Variants in UBXN4 observed in about 807,000 individuals in gnomAD.
UBXN4 encodes UBX domain protein 4, also known as UBX domain-containing protein 4.
UBXN4 carries 35 observed loss-of-function variants against 66.2 expected under a neutral mutation model. The ratio of observed to expected loss-of-function variants is 0.53; its 90% CI spans 0.40 to 0.70. The LOEUF is 0.70. Ranked by LOEUF, UBXN4 falls within the 30% of genes least tolerant of loss-of-function variation. The pLI, the probability that UBXN4 is intolerant of heterozygous loss-of-function variation, is 0.00. For missense variants in UBXN4, 533 were observed against 599.8 expected (o/e 0.89, Z 1.16); for synonymous variants, 203 against 204.5 (o/e 0.99, Z 0.06).
At chr2:135,774,524 T>C (rs2077400976) in intron 9 of UBXN4, among the ~76,000 whole-genome samples, 1 of 152,130 alleles carries the variant, frequency 6.6e-6, no homozygotes, top group Admixed American at 6.6e-5. Flanking sequence ...AATTTAAAAC[T>C]TTCGTGCTTT....
rs1187762108 is a variant in UBXN4, at chr2:135,755,665, C to A, written c.482C>A (p.Ser161Tyr). Reference protein sequence around the residue: ...NAELCEIPPTSDTKSDTATGG... With the variant: ...NAELCEIPPTYDTKSDTATGG... ...GAGCTTTGTGAGATACCACCCACTT[C>A]TGATACAAAGTCAGATACTGCAACA... The change falls in exon 5 of 13, where the codon TCT becomes TAT. Residue 161 changes from serine (S) to tyrosine (Y), a missense_variant. This residue lies in a region of UBXN4 where 529 missense variants were observed against 580.1 expected (regional missense o/e 0.91). Coordinates refer to ENST00000272638, the MANE Select transcript of UBXN4 (RefSeq NM_014607.4). The A allele has an allele frequency of 6.4e-7, 1 of 1,572,578 alleles. No homozygotes were observed. The highest frequency in any genetic ancestry group is 8.6e-7 in the Non-Finnish European group (1 of 1,158,472).
intron 8 of UBXN4, among the ~76,000 whole-genome samples, chr2:135,771,766 T>C (rs1393372887): frequency 6.6e-6 from 1 of 152,104 alleles, no homozygotes; most frequent in Non-Finnish European, 1.5e-5. Context: ...TTTCATCACA[T>C]TGGTCAGGCT....
At chr2:135,768,754 C>G (rs7566194) in intron 6 of UBXN4, among the ~76,000 whole-genome samples, 147,754 of 152,032 alleles carry the variant, frequency 0.97, 71,916 homozygotes, top group Non-Finnish European at 1. Context: ...GTAGAGACAG[C>G]GTTTCGCCGT....
intron 12 of UBXN4, among the ~76,000 whole-genome samples, chr2:135,781,693 A>G (rs556826666): frequency 6.6e-6 from 1 of 152,386 alleles, no homozygotes; most frequent in African/African-American, 2.4e-5. Context: ...AACAAGGCTG[A>G]ATCTTAAAAC....
intron 5 of UBXN4, among the ~76,000 whole-genome samples, chr2:135,759,982 G>A (rs951728139): frequency 6.6e-6 from 1 of 151,868 alleles, no homozygotes; most frequent in Non-Finnish European, 1.5e-5. Context: ...TGGCCAGACT[G>A]GTCTCAAACT....
chr2:135,742,854 C>G (rs1364795657), intron 1 of UBXN4: 1 of 151,966 alleles, frequency 6.6e-6, no homozygotes, highest in Non-Finnish European at 1.5e-5. Flanking sequence ...ACGTTCAGTC[C>G]TTGGTTTCTT....
At position 135,751,294 on chromosome 2, in the gene UBXN4, C is replaced by G. The variant is rs540296150; in HGVS notation, c.186-2245C>G. Reference sequence around the variant, plus strand: ...CTCCGCCTCCCGGGCTCACGGCATTCTCCTGCCTCAGCCTCCCAAGTAGCT... The same window carrying G: ...CTCCGCCTCCCGGGCTCACGGCATTGTCCTGCCTCAGCCTCCCAAGTAGCT... On this transcript the variant is annotated intron_variant, in intron 2 of 12. Coordinates refer to ENST00000272638, the MANE Select transcript of UBXN4 (RefSeq NM_014607.4). Among the ~76,000 whole-genome samples the G allele has an allele frequency of 2.6e-5, 4 of 152,026 alleles. No individual in the cohort carries two copies. The East Asian group carries it at 7.7e-4, about 29-fold the overall frequency.
chr2:135,753,662 G>A, intron 3 of UBXN4, 95 bp downstream of exon 3: 1 of 1,081,166 alleles, frequency 9.2e-7, no homozygotes. Flanking sequence ...TTTTTATTTA[G>A]GAAATCATAC....
chr2:135,757,763 G>GTTTTTTTTTAGCTTAAAAAAAA (rs2105497414), intron 5 of UBXN4, among the ~76,000 whole-genome samples: 1 of 150,302 alleles, frequency 6.7e-6, no homozygotes, highest in African/African-American at 2.4e-5. Flanking sequence ...TCTAATCTCA[G>GTTTTTTTTTAGCTTAAAAAAAA]TTTTTTTTTA....
Position 135,770,678 on chromosome 2 carries a change from CAG to C in UBXN4, c.771_772del (p.Lys258SerfsTer4). On this transcript the variant is annotated frameshift_variant, in exon 8 of 13. Coordinates refer to ENST00000272638, the MANE Select transcript of UBXN4 (RefSeq NM_014607.4). LOFTEE classifies it high-confidence loss of function. ...CAAAAAGAATGCTGGAGGAAAGAAA[CAG>C]AGAGAAAGCAGAAGATAGGGCAGCT... is the stretch of plus-strand genomic sequence containing the variant. ...LTKRMLEERN[R>X]EKAEDRAARE... 1 of 1,577,950 alleles carries C rather than the reference CAG, an allele frequency of 6.3e-7. No homozygotes were observed. Among genetic ancestry groups the C allele is most frequent in the Non-Finnish European group, 8.5e-7 (1 of 1,169,672 alleles).
In UBXN4 at chr2:135,776,696, C is replaced by T. The variant is rs148192893; in HGVS notation, c.1053+345C>T. On this transcript the variant is annotated intron_variant, in intron 10 of 12. Transcript: ENST00000272638. ...GCAGCCTCGACCTCCTGGGCTCAAGCGACCCTCCCACCTCAGCCTCCTAAG... is the reference window on the plus strand; with the variant it reads ...GCAGCCTCGACCTCCTGGGCTCAAGTGACCCTCCCACCTCAGCCTCCTAAG... Among the ~76,000 whole-genome samples the T allele has an allele frequency of 1.6e-3, 242 of 152,318 alleles. 2 individuals are homozygous for T. The highest frequency in any genetic ancestry group is 5.5e-3 in the African/African-American group (228 of 41,574).
At chr2:135,742,990 T>C (rs1220184683) in intron 1 of UBXN4, among the ~76,000 whole-genome samples, 3 of 152,218 alleles carry the variant, frequency 2.0e-5, no homozygotes, top group Admixed American at 1.3e-4. Flanking sequence ...ATCTTGTAGA[T>C]TTACAGTGAA....
intron 6 of UBXN4, 92 bp downstream of exon 6, chr2:135,762,003 A>G: frequency 1.5e-6 from 2 of 1,314,102 alleles, no homozygotes; most frequent in Non-Finnish European, 2.1e-6. Context: ...AAGTTATACA[A>G]ATGAAGTTTT....
chr2:135,759,578 T>G (rs1428306758), intron 5 of UBXN4, among the ~76,000 whole-genome samples: 1 of 152,142 alleles, frequency 6.6e-6, no homozygotes, highest in Non-Finnish European at 1.5e-5. Flanking sequence ...CTTGATCAAG[T>G]CAGCTTCATT....
rs184189062 is a variant in UBXN4 at position 135,754,120 on chromosome 2, C to T, written c.215-39C>T. The T allele has an allele frequency of 1.2e-4, 177 of 1,422,672 alleles. No individual in the cohort carries two copies. In the East Asian group the frequency reaches 3.3e-3, roughly 27 times the overall value. 88.1% of individuals were successfully genotyped at this position (1,422,672 alleles called of 1,614,324 possible). A position where few individuals can be genotyped will look rare whatever the true frequency, so the allele number is the denominator to read the frequency against. On this transcript the variant is annotated intron_variant, in intron 3 of 12. Coordinates refer to ENST00000272638, the MANE Select transcript of UBXN4 (RefSeq NM_014607.4). ...ATAGTGTTTCGTAAAACTATCCTTT[C>T]GTTTCACATGAATTGTTAGACTTCA...
intron 2 of UBXN4, among the ~76,000 whole-genome samples, chr2:135,752,620 T>C (rs1468471939): frequency 6.6e-6 from 1 of 152,234 alleles, no homozygotes. Flanking sequence ...GTTAAGATAT[T>C]GTATTCAGGT....
At chr2:135,760,790 C>G (rs180838081) in intron 5 of UBXN4, among the ~76,000 whole-genome samples, 14 of 152,308 alleles carry the variant, frequency 9.2e-5, no homozygotes, top group Non-Finnish European at 1.8e-4. Context: ...AAACATTTAT[C>G]AGAAGGATCT....
At chr2:135,758,589 C>T (rs1292319566) in intron 5 of UBXN4, among the ~76,000 whole-genome samples, 1 of 151,964 alleles carries the variant, frequency 6.6e-6, no homozygotes, top group Non-Finnish European at 1.5e-5. Flanking sequence ...TATAAGAAAA[C>T]CCCATTAATC....
intron 6 of UBXN4, among the ~76,000 whole-genome samples, chr2:135,768,781 T>G (rs1461769407): frequency 2.6e-5 from 4 of 151,870 alleles, no homozygotes; most frequent in African/African-American, 7.3e-5. Flanking sequence ...CAGGCTAGTC[T>G]CAAACTCCTG....
Sources: allele counts gnomAD v4.1 joint callset (sites outside exome capture counted in the v4.1 genomes callset), GRCh38; gene constraint gnomAD v4.1.1; regional missense constraint gnomAD v4.1.1; transcripts MANE v1.5; gene names NCBI Gene and HGNC (gene_info 2026-07-23, HGNC 2026-07-21).